ARRB1: variants seen among roughly 807,000 people sequenced by gnomAD.
ARRB1 encodes beta-arrestin-1.
Under a neutral mutation model 56.8 loss-of-function variants are expected in ARRB1, and 21 were observed. The observed-to-expected ratio is 0.37, with a 90% CI of 0.26 to 0.53. The LOEUF is 0.53. Among genes scored for constraint, ARRB1 ranks in the 20% least tolerant of loss-of-function variants. The pLI, the probability that ARRB1 is intolerant of heterozygous loss-of-function variation, is 0.88. For synonymous variants in ARRB1, 210 were observed against 218.6 expected, an observed-to-expected ratio of 0.96 and a Z score of 0.35; for missense variants, 424 against 553.7, an observed-to-expected ratio of 0.77 and a Z score of 2.35.
Position 75,277,527 on chromosome 11 carries a change from C to A in ARRB1, c.619-79G>T, listed in dbSNP as rs771665825. 7.5e-6 allele frequency: 10 copies of A among 1,328,132 alleles called. No individual in the cohort carries two copies. In the African/African-American group the frequency reaches 8.7e-5, roughly 12 times the overall value. 82.3% of individuals were successfully genotyped at this position (1,328,132 alleles called of 1,614,324 possible). On this transcript the variant is annotated intron_variant, in intron 8 of 15. Coordinates refer to ENST00000420843, the MANE Select transcript of ARRB1 (RefSeq NM_004041.5). The stretch of plus-strand genomic sequence containing the variant: ...GAAAGGGGAGGGAGAAAAGCCCCCA[C>A]GCGATCTTCTGGGGTTCCCCAGACC...
intron 1 of ARRB1, among the ~76,000 whole-genome samples, chr11:75,310,969 C>A (rs775155319): frequency 2.0e-4 from 31 of 152,276 alleles, no homozygotes; most frequent in Non-Finnish European, 4.4e-4. Context: ...AAATGTACTG[C>A]CCACATAGGG....
At chr11:75,277,932 G>A (rs1946236704) in intron 8 of ARRB1, among the ~76,000 whole-genome samples, 1 of 152,252 alleles carries the variant, frequency 6.6e-6, no homozygotes, top group Admixed American at 6.5e-5. Context: ...TGCAACGAAG[G>A]GGTTGGACTA....
At chr11:75,312,174 G>A (rs1947177509) in intron 1 of ARRB1, 3 of 1,283,444 alleles carry the variant, frequency 2.3e-6, no homozygotes, top group African/African-American at 1.5e-5. Context: ...TCCCCGGGGA[G>A]TGGTGAGCTC....
intron 1 of ARRB1, among the ~76,000 whole-genome samples, chr11:75,304,540 G>A (rs1330732182): frequency 6.6e-6 from 1 of 152,126 alleles, no homozygotes; most frequent in Non-Finnish European, 1.5e-5. Flanking sequence ...AGAATTTTGT[G>A]AGGTAGTTGT....
rs908886343 is a variant in ARRB1 at position 75,262,494 on chromosome 11, G to T, written c.*3669C>A. 1 of 152,266 alleles carries T rather than the reference G, an allele frequency of 6.6e-6. No homozygotes were observed. Among genetic ancestry groups the T allele is most frequent in the Non-Finnish European group, 1.5e-5 (1 of 68,060 alleles). 9.4% of individuals were successfully genotyped at this position (152,266 alleles called of 1,614,324 possible). On this transcript the variant is annotated 3_prime_UTR_variant, in exon 16 of 16. Transcript: ENST00000420843. The stretch of plus-strand genomic sequence containing the variant: ...GACATCTGCCTAAGTGAGAAGCAGG[G>T]CAAGCGATGAAGACTGGTGGGGAGG...
At chr11:75,311,468 G>A (rs1947156367) in intron 1 of ARRB1, among the ~76,000 whole-genome samples, 1 of 152,248 alleles carries the variant, frequency 6.6e-6, no homozygotes, top group Non-Finnish European at 1.5e-5. Flanking sequence ...AGCTGGACTT[G>A]AAGCACAATG....
chr11:75,264,942 G>C lies in ARRB1; in HGVS notation c.*1221C>G, dbSNP rs748180255. The C allele has an allele frequency of 6.6e-6, 1 of 152,220 alleles. No individual in the cohort carries two copies. Among genetic ancestry groups the C allele is most frequent in the Non-Finnish European group, 1.5e-5 (1 of 68,078 alleles). 9.4% of individuals were successfully genotyped at this position (152,220 alleles called of 1,614,324 possible). On this transcript the variant is annotated 3_prime_UTR_variant, in exon 16 of 16. Transcript: ENST00000420843. The stretch of plus-strand genomic sequence containing the variant: ...CAATCAACCCAACACCAGCTAATGC[G>C]TACTGGGTACCCATGACACTGGGAG...
intron 1 of ARRB1, among the ~76,000 whole-genome samples, chr11:75,344,493 T>C (rs1263727451): frequency 1.3e-5 from 2 of 152,118 alleles, no homozygotes; most frequent in Non-Finnish European, 2.9e-5. Flanking sequence ...AGCAGTCTAC[T>C]CCCCACCCCT....
chr11:75,287,905 C>T (rs959449615), intron 2 of ARRB1, among the ~76,000 whole-genome samples: 2 of 152,198 alleles, frequency 1.3e-5, no homozygotes, highest in Admixed American at 6.5e-5. Context: ...TCTTGTTGCC[C>T]GGCCTGGAGT....
intron 1 of ARRB1, among the ~76,000 whole-genome samples, chr11:75,305,014 CTTTCTTT>C (rs1414555347): frequency 7.0e-5 from 7 of 100,014 alleles, no homozygotes; most frequent in African/African-American, 1.3e-4. Context: ...TCTTTTCTTT[CTTTCTTT>C]TTTTTTTTTT....
intron 13 of ARRB1, 33 bp downstream of exon 13, chr11:75,271,668 G>A (rs1381051179): frequency 2.6e-6 from 4 of 1,555,430 alleles, no homozygotes; most frequent in Non-Finnish European, 3.5e-6. Flanking sequence ...CCTCCAGGAA[G>A]GTGGGTGAAC....
At chr11:75,281,865 T>C in intron 6 of ARRB1, 97 bp downstream of exon 6, 1 of 1,237,636 alleles carries the variant, frequency 8.1e-7, no homozygotes, top group African/African-American at 1.5e-5. Flanking sequence ...ACAGGGAGAG[T>C]GGTCCTGTGT....
chr11:75,333,994 G>A (rs899951997), intron 1 of ARRB1, among the ~76,000 whole-genome samples: 1 of 152,126 alleles, frequency 6.6e-6, no homozygotes, highest in East Asian at 1.9e-4. Context: ...CCCAGGAGCA[G>A]GAAAGGCCTG....
At chr11:75,339,671 T>C (rs1397567344) in intron 1 of ARRB1, among the ~76,000 whole-genome samples, 1 of 152,208 alleles carries the variant, frequency 6.6e-6, no homozygotes, top group African/African-American at 2.4e-5. Flanking sequence ...TATAAACAGA[T>C]GCCCACTACC....
intron 2 of ARRB1, among the ~76,000 whole-genome samples, chr11:75,288,138 C>T (rs1946525326): frequency 6.6e-6 from 1 of 152,152 alleles, no homozygotes; most frequent in Non-Finnish European, 1.5e-5. Context: ...GCTGGGATTA[C>T]AGGCGTGAGC....
At chr11:75,350,603 T>C (rs1947833380) in intron 1 of ARRB1, among the ~76,000 whole-genome samples, 1 of 152,188 alleles carries the variant, frequency 6.6e-6, no homozygotes, top group Admixed American at 6.5e-5. Flanking sequence ...CAGTTTCCCC[T>C]TTCAGAGGCA....
At chr11:75,315,076 G>A (rs1345045968) in intron 1 of ARRB1, among the ~76,000 whole-genome samples, 1 of 152,150 alleles carries the variant, frequency 6.6e-6, no homozygotes, top group Admixed American at 6.5e-5. Flanking sequence ...ACCACCCCAC[G>A]CTGCGGGATG....
chr11:75,285,318 T>C (rs1477897378), intron 3 of ARRB1, among the ~76,000 whole-genome samples: 1 of 152,226 alleles, frequency 6.6e-6, no homozygotes, highest in Non-Finnish European at 1.5e-5. Flanking sequence ...AGGCCTGCCC[T>C]TGGGGGCAGA....
chr11:75,322,905 C>A (rs1046160454), intron 1 of ARRB1, among the ~76,000 whole-genome samples: 1 of 152,192 alleles, frequency 6.6e-6, no homozygotes, highest in Non-Finnish European at 1.5e-5. Context: ...GAGATTACAA[C>A]AGTGTCTACT....
Sources: gnomAD v4.1 joint callset for allele counts (sites outside exome capture counted in the v4.1 genomes callset) on GRCh38, gnomAD v4.1.1 for gene constraint, MANE v1.5 for transcripts, NCBI Gene and HGNC (gene_info 2026-07-23, HGNC 2026-07-21) for gene names.